SPATA31H1: variants seen among roughly 807,000 people sequenced by gnomAD.
SPATA31H1 encodes the protein spermatogenesis-associated protein 31H1.
chr2:27,551,961 G>A, the SPATA31H1 span, among the ~76,000 whole-genome samples: 21 of 151,792 alleles, frequency 1.4e-4, no homozygotes, highest in Non-Finnish European at 1.3e-4. Flanking sequence ...GACTACAGGC[G>A]TGCACCACCA....
the SPATA31H1 span, among the ~76,000 whole-genome samples, chr2:27,537,742 C>G: frequency 1.3e-5 from 2 of 152,134 alleles, no homozygotes; most frequent in Non-Finnish European, 2.9e-5. Flanking sequence ...CAATTCATTT[C>G]AACAGACCTA....
the SPATA31H1 span, chr2:27,572,293 T>C: frequency 2.5e-6 from 1 of 398,268 alleles, no homozygotes; most frequent in Non-Finnish European, 4.4e-6. Flanking sequence ...AGTGTGAAAA[T>C]TGTGGAGTTA....
the SPATA31H1 span, chr2:27,582,437 T>A: frequency 6.2e-7 from 1 of 1,614,156 alleles, no homozygotes; most frequent in South Asian, 1.1e-5. Context: ...ATAGTTTGTC[T>A]AGAGATTTCA....
At chr2:27,560,059 G>C in the SPATA31H1 span, among the ~76,000 whole-genome samples, 2 of 151,452 alleles carry the variant, frequency 1.3e-5, no homozygotes, top group Admixed American at 6.6e-5. Flanking sequence ...GTAGAGATGG[G>C]GTTTCACCAT....
chr2:27,578,370 A>G, the SPATA31H1 span: 1 of 1,614,154 alleles, frequency 6.2e-7, no homozygotes, highest in South Asian at 1.1e-5. Context: ...ATCCCTTCAA[A>G]TCGTAAAATC....
At chr2:27,554,704 G>C in the SPATA31H1 span, among the ~76,000 whole-genome samples, 1 of 152,004 alleles carries the variant, frequency 6.6e-6, no homozygotes, top group Non-Finnish European at 1.5e-5. Context: ...TATTTGAGTA[G>C]CTGGGATTAC....
At chr2:27,539,752 C>G in the SPATA31H1 span, among the ~76,000 whole-genome samples, 2 of 61,292 alleles carry the variant, frequency 3.3e-5, no homozygotes, top group Non-Finnish European at 5.7e-5. Flanking sequence ...GGGGCTGACC[C>G]CCCCCGCCCC....
the SPATA31H1 span, chr2:27,567,481 C>T: frequency 9.5e-6 from 4 of 420,104 alleles, no homozygotes; most frequent in Non-Finnish European, 1.7e-5. Flanking sequence ...TCAGACCTTC[C>T]ATCATTTCAG....
chr2:27,577,303 G>A, the SPATA31H1 span: 10 of 1,614,010 alleles, frequency 6.2e-6, no homozygotes, highest in Admixed American at 5.0e-5. The surrounding 1 kb of genome is among the most constrained non-coding windows in gnomAD (Gnocchi z 4.5). Flanking sequence ...TCACGGCCCC[G>A]AGTTAAGGAT....
chr2:27,570,567 C>A, the SPATA31H1 span: 1 of 398,800 alleles, frequency 2.5e-6, no homozygotes, highest in Non-Finnish European at 4.4e-6. Flanking sequence ...AGGGCTTAAC[C>A]CAGAGCTGCA....
chr2:27,547,269 G>A, the SPATA31H1 span, among the ~76,000 whole-genome samples: 1 of 151,510 alleles, frequency 6.6e-6, no homozygotes, highest in African/African-American at 2.4e-5. Flanking sequence ...CGCCTTCCAG[G>A]TTCAAGTGAT....
chr2:27,563,647 C>T, the SPATA31H1 span, among the ~76,000 whole-genome samples: 1 of 151,824 alleles, frequency 6.6e-6, no homozygotes, highest in Non-Finnish European at 1.5e-5. Context: ...GCAACCTCCA[C>T]CTTCCAAGTT....
the SPATA31H1 span, among the ~76,000 whole-genome samples, chr2:27,563,115 A>G: frequency 6.6e-6 from 1 of 151,836 alleles, no homozygotes; most frequent in Admixed American, 6.6e-5. Context: ...TTATATTTTT[A>G]TAGTTTTTAC....
At chr2:27,577,771 C>G in the SPATA31H1 span, 1 of 1,614,096 alleles carries the variant, frequency 6.2e-7, no homozygotes, top group Non-Finnish European at 8.5e-7. The surrounding 1 kb of genome is among the most constrained non-coding windows in gnomAD (Gnocchi z 4.5). Flanking sequence ...CATCAAGTCC[C>G]AGAATCTGTA....
the SPATA31H1 span, chr2:27,537,617 G>A: frequency 9.9e-6 from 7 of 704,412 alleles, no homozygotes; most frequent in Non-Finnish European, 1.8e-5. Flanking sequence ...CCGCTCCTGA[G>A]GCCATAGAAA....
the SPATA31H1 span, among the ~76,000 whole-genome samples, chr2:27,563,604 G>A: frequency 1.3e-5 from 2 of 149,874 alleles, no homozygotes; most frequent in African/African-American, 4.9e-5. Context: ...CTGTCACCCA[G>A]CCTGGAGTTC....
chr2:27,540,481 G>C, the SPATA31H1 span, among the ~76,000 whole-genome samples: 14 of 121,808 alleles, frequency 1.1e-4, no homozygotes, highest in South Asian at 3.6e-3. Context: ...CCGGGCAGAG[G>C]AGCCCCTCAC....
At chr2:27,566,627 T>G in the SPATA31H1 span, 7 of 579,828 alleles carry the variant, frequency 1.2e-5, no homozygotes, top group Non-Finnish European at 1.9e-5. Context: ...GAAACTTTTT[T>G]TTTTTTTCAA....
chr2:27,569,535 T>C, the SPATA31H1 span: 5 of 398,630 alleles, frequency 1.3e-5, no homozygotes, highest in Non-Finnish European at 2.2e-5. Context: ...ATTGATAGGA[T>C]CTAAAAAGTT....
Sources: gnomAD v4.1 joint callset for allele counts (sites outside exome capture counted in the v4.1 genomes callset) on GRCh38, gnomAD v4.1.1 for gene constraint, Gnocchi (gnomAD v3.1) non-coding constraint, MANE v1.5 for transcripts, NCBI Gene and HGNC (gene_info 2026-07-23, HGNC 2026-07-21) for gene names.